The following SCAPER variants were observed in gnomAD, a reference collection of about 807,000 sequenced individuals.
The protein encoded by SCAPER is S-phase cyclin A associated protein in the ER.
SCAPER carries 98 observed loss-of-function variants against 182.2 expected under a neutral mutation model. The ratio of observed to expected loss-of-function variants is 0.54; its 90% confidence interval spans 0.46 to 0.64. The LOEUF is 0.64. SCAPER is among the 30% of genes least tolerant of loss of function. SCAPER has a pLI of 0.00. For missense variants in SCAPER, 1,432 were observed against 1,690.0 expected, an observed-to-expected ratio of 0.85 and a Z score of 2.68; for synonymous variants, 605 against 564.6, an observed-to-expected ratio of 1.07 and a Z score of -1.01.
At chr15:76,402,771 A>G (rs1596456464) in intron 27 of SCAPER, among the ~76,000 whole-genome samples, 1 of 152,178 alleles carries the variant, frequency 6.6e-6, no homozygotes, top group Non-Finnish European at 1.5e-5. Flanking sequence ...GAAATGAAAT[A>G]TATGCTTCTA....
At chr15:76,503,039 C>T (rs1179765448) in intron 24 of SCAPER, among the ~76,000 whole-genome samples, 1 of 150,904 alleles carries the variant, frequency 6.6e-6, no homozygotes, top group Non-Finnish European at 1.5e-5. Flanking sequence ...TAGTGTCATG[C>T]ACGTTGAAGC....
At chr15:76,667,541 C>T (rs1337097031) in intron 20 of SCAPER, among the ~76,000 whole-genome samples, 1 of 147,060 alleles carries the variant, frequency 6.8e-6, no homozygotes, top group Non-Finnish European at 1.5e-5. Context: ...CCTCGAATTG[C>T]CTGAAACCAG....
At chr15:76,792,819 C>T (rs893155876) in intron 8 of SCAPER, among the ~76,000 whole-genome samples, 4 of 152,228 alleles carry the variant, frequency 2.6e-5, no homozygotes, top group African/African-American at 9.6e-5. Context: ...AGAGCCACTC[C>T]ACTGAGCACT....
intron 20 of SCAPER, among the ~76,000 whole-genome samples, chr15:76,672,701 C>CA (rs1214604719): frequency 6.6e-6 from 1 of 151,848 alleles, no homozygotes; most frequent in Admixed American, 6.6e-5. Flanking sequence ...TGCAAGAGGA[C>CA]AAAGATGAGA....
At chr15:76,707,170 A>C (rs971690129) in intron 17 of SCAPER, among the ~76,000 whole-genome samples, 31 of 152,146 alleles carry the variant, frequency 2.0e-4, no homozygotes, top group Non-Finnish European at 4.0e-4. Flanking sequence ...AAAAACAATG[A>C]AAATAATACA....
intron 19 of SCAPER, 118 bp from the exon 20 acceptor site, chr15:76,701,983 G>T: frequency 3.4e-6 from 2 of 580,870 alleles, no homozygotes; most frequent in Non-Finnish European, 2.9e-6. Context: ...TTACATATTA[G>T]TCTTAAAAAT....
In SCAPER at chr15:76,467,926, A is replaced by C. The variant is rs140429347; in HGVS notation, c.3078+3286T>G. Among the ~76,000 whole-genome samples, 220 of 152,302 alleles carry C rather than the reference A, an allele frequency of 1.4e-3. 2 individuals carry two copies. Among genetic ancestry groups the C allele is most frequent in the African/African-American group, 4.8e-3 (200 of 41,572 alleles). Reference sequence around the variant, plus strand: ...TCTCCTAAACCATCTGGGTTTGCTAAACATAACCAGAAAGACAACAGTACC... The same window carrying C: ...TCTCCTAAACCATCTGGGTTTGCTACACATAACCAGAAAGACAACAGTACC... On this transcript the variant is annotated intron_variant, in intron 25 of 31. Coordinates refer to ENST00000563290, the MANE Select transcript of SCAPER (RefSeq NM_020843.4).
chr15:76,604,455 A>T (rs1245370789), intron 22 of SCAPER, among the ~76,000 whole-genome samples: 69 of 1,128 alleles, frequency 0.061, 21 homozygotes, highest in Non-Finnish European at 0.44. Flanking sequence ...AAGTCAGGTA[A>T]GCGGGATGCC....
At chr15:76,662,069 A>T (rs1335103942) in intron 21 of SCAPER, among the ~76,000 whole-genome samples, 1 of 152,188 alleles carries the variant, frequency 6.6e-6, no homozygotes, top group East Asian at 1.9e-4. Flanking sequence ...TCCTCAGCGA[A>T]CTAATGCAGG....
At chr15:76,608,131 T>C (rs575635939) in intron 22 of SCAPER, among the ~76,000 whole-genome samples, 39 of 152,302 alleles carry the variant, frequency 2.6e-4, no homozygotes, top group African/African-American at 7.5e-4. Flanking sequence ...CTGTTTTTTT[T>C]CCCCATCTTT....
chr15:76,589,533 G>A (rs1040242071), intron 22 of SCAPER, among the ~76,000 whole-genome samples: 7 of 152,116 alleles, frequency 4.6e-5, no homozygotes, highest in Non-Finnish European at 7.4e-5. Flanking sequence ...CACTCCCACT[G>A]TGCCCCCTGC....
chr15:76,607,035 A>G (rs1479175199), intron 22 of SCAPER, among the ~76,000 whole-genome samples: 1 of 152,146 alleles, frequency 6.6e-6, no homozygotes, highest in African/African-American at 2.4e-5. Flanking sequence ...TAATATTGTT[A>G]TGTGTGAATT....
At chr15:76,753,706 C>A in intron 15 of SCAPER, 102 bp downstream of exon 15, 1 of 1,304,866 alleles carries the variant, frequency 7.7e-7, no homozygotes, top group African/African-American at 1.5e-5. Context: ...TATTCTACAA[C>A]AGAATAAACA....
chr15:76,712,661 G>C (rs1251858904), intron 17 of SCAPER, among the ~76,000 whole-genome samples: 1 of 152,070 alleles, frequency 6.6e-6, no homozygotes, highest in Non-Finnish European at 1.5e-5. Context: ...CACATCCCTT[G>C]TAAGTTGGAT....
intron 21 of SCAPER, among the ~76,000 whole-genome samples, chr15:76,631,027 T>C (rs2053060820): frequency 6.6e-6 from 1 of 152,254 alleles, no homozygotes; most frequent in African/African-American, 2.4e-5. Context: ...TCTTGTTGAA[T>C]TGACTCATTT....
At chr15:76,537,250 G>A (rs1273148636) in intron 23 of SCAPER, among the ~76,000 whole-genome samples, 3 of 150,126 alleles carry the variant, frequency 2.0e-5, no homozygotes, top group Non-Finnish European at 4.5e-5. Context: ...AAAAGAGCCC[G>A]CATCGCCAAG....
intron 25 of SCAPER, among the ~76,000 whole-genome samples, chr15:76,451,251 T>G (rs952648878): frequency 2.0e-5 from 3 of 152,248 alleles, no homozygotes; most frequent in Non-Finnish European, 4.4e-5. Flanking sequence ...TGCCTCAATT[T>G]ATCAGTTCAC....
At chr15:76,540,605 T>C (rs1003786318) in intron 23 of SCAPER, among the ~76,000 whole-genome samples, 2 of 152,166 alleles carry the variant, frequency 1.3e-5, no homozygotes, top group South Asian at 2.1e-4. Flanking sequence ...GAAGAATACA[T>C]TGTAAGCTGT....
intron 23 of SCAPER, among the ~76,000 whole-genome samples, chr15:76,541,376 G>C (rs2044739393): frequency 6.6e-6 from 1 of 152,132 alleles, no homozygotes; most frequent in Non-Finnish European, 1.5e-5. Context: ...GAAAATCAAT[G>C]CAACCAATTC....
Sources: gnomAD v4.1 joint callset for allele counts (sites outside exome capture counted in the v4.1 genomes callset) on GRCh38, gnomAD v4.1.1 for gene constraint, MANE v1.5 for transcripts, NCBI Gene and HGNC (gene_info 2026-07-23, HGNC 2026-07-21) for gene names.